The following PCDH15 variants were observed in gnomAD, a reference collection of about 807,000 sequenced individuals.
The protein encoded by PCDH15 is protocadherin-15.
PCDH15 carries 129 observed loss-of-function variants against 178.5 expected under a neutral mutation model. That is an observed-to-expected ratio of 0.72 (90% confidence interval 0.63 to 0.84). PCDH15 has a LOEUF of 0.84. PCDH15 is among the 40% of genes least tolerant of loss of function. The pLI is 0.00. For missense variants in PCDH15, 2,230 were observed against 2,099.9 expected (o/e 1.06, Z -1.21); for synonymous variants, 800 against 732.0 (o/e 1.09, Z -1.50).
intron 1 of PCDH15, among the ~76,000 whole-genome samples, chr10:54,752,485 A>AAAAAAC (rs1566127053): frequency 1.1e-4 from 9 of 82,196 alleles, no homozygotes; most frequent in South Asian, 7.4e-4. Context: ...TCAAAAAAAA[A>AAAAAAC]AAAAAACAAA....
chr10:55,578,305 C>T (rs992764814), intron 2 of PCDH15, among the ~76,000 whole-genome samples: 3 of 152,086 alleles, frequency 2.0e-5, no homozygotes, highest in South Asian at 2.1e-4. Flanking sequence ...GCAATCTCCA[C>T]CTCCTGGGTT....
At chr10:54,904,961 C>A (rs919691476) in intron 2 of PCDH15, among the ~76,000 whole-genome samples, 6 of 149,658 alleles carry the variant, frequency 4.0e-5, no homozygotes. Flanking sequence ...GTTCCTTGAG[C>A]ATCTGCTATG....
intron 2 of PCDH15, among the ~76,000 whole-genome samples, chr10:54,990,173 T>C (rs1020131728): frequency 1.3e-5 from 2 of 152,202 alleles, no homozygotes; most frequent in African/African-American, 4.8e-5. Context: ...ACACAAAGCA[T>C]AGCATTTCTT....
chr10:54,442,442 A>T (rs1160948491), intron 3 of PCDH15, among the ~76,000 whole-genome samples: 1 of 120,952 alleles, frequency 8.3e-6, no homozygotes, highest in African/African-American at 3.6e-5. Context: ...ATATATATAT[A>T]TATATATATA....
At chr10:54,156,303 C>T (rs1433884157) in intron 13 of PCDH15, among the ~76,000 whole-genome samples, 1 of 152,020 alleles carries the variant, frequency 6.6e-6, no homozygotes, top group Non-Finnish European at 1.5e-5. Flanking sequence ...TTTCATGCTG[C>T]TTATAAAGAC....
chr10:54,954,922 GTGAATATGTCTTAT>G (rs1443187049), intron 2 of PCDH15, among the ~76,000 whole-genome samples: 1 of 151,282 alleles, frequency 6.6e-6, no homozygotes, highest in East Asian at 1.9e-4. Context: ...TATGTGCCTT[GTGAATATGTCTTAT>G]ACATATATGT....
chr10:55,596,101 T>C (rs934997544), intron 2 of PCDH15, among the ~76,000 whole-genome samples: 1 of 152,082 alleles, frequency 6.6e-6, no homozygotes. Flanking sequence ...AAAATTATGT[T>C]GCATGGTTGT....
chr10:54,669,695 G>A (rs1590948315), intron 1 of PCDH15, among the ~76,000 whole-genome samples: 2 of 147,224 alleles, frequency 1.4e-5, no homozygotes, highest in Non-Finnish European at 1.5e-5. Flanking sequence ...ATCTTTGCTC[G>A]GGCTTACAGT....
At chr10:55,487,236 C>G (rs1257335522) in intron 2 of PCDH15, among the ~76,000 whole-genome samples, 4 of 151,654 alleles carry the variant, frequency 2.6e-5, no homozygotes, top group South Asian at 2.1e-4. Context: ...ACATTCAGAG[C>G]ATTGAAACTT....
chr10:55,165,704 C>T (rs753023914), intron 2 of PCDH15, among the ~76,000 whole-genome samples: 59 of 151,908 alleles, frequency 3.9e-4, no homozygotes, highest in Non-Finnish European at 7.1e-4. Context: ...ATAAATTAAG[C>T]AAGTATGATA....
intron 2 of PCDH15, among the ~76,000 whole-genome samples, chr10:55,083,634 G>C (rs1842096230): frequency 1.3e-5 from 2 of 151,776 alleles, no homozygotes; most frequent in South Asian, 4.2e-4. Flanking sequence ...ATCCCTGTTT[G>C]CAAATGAAAT....
chr10:54,059,689 T>C (rs1280367191), intron 18 of PCDH15, among the ~76,000 whole-genome samples: 2 of 152,240 alleles, frequency 1.3e-5, no homozygotes, highest in Non-Finnish European at 2.9e-5. Context: ...ATGCTGATGC[T>C]GATGCTGCTT....
intron 2 of PCDH15, among the ~76,000 whole-genome samples, chr10:55,574,597 A>T (rs1454584761): frequency 6.6e-6 from 1 of 152,084 alleles, no homozygotes; most frequent in South Asian, 2.1e-4. Context: ...GCAAATATAT[A>T]AAATTTTTAA....
chr10:54,596,297 G>T (rs1042916593), intron 2 of PCDH15, among the ~76,000 whole-genome samples: 19 of 152,124 alleles, frequency 1.2e-4, no homozygotes, highest in African/African-American at 4.3e-4. Flanking sequence ...GAAGAGATTT[G>T]GGACCTATAT....
At chr10:54,416,435 T>G (rs12782758) in intron 3 of PCDH15, among the ~76,000 whole-genome samples, 69,658 of 151,954 alleles carry the variant, frequency 0.46, 16,727 homozygotes, top group Middle Eastern at 0.52. Flanking sequence ...TTCATCCATG[T>G]CCCTGCAAAG....
At chr10:54,936,823 T>G (rs1231040380) in intron 2 of PCDH15, among the ~76,000 whole-genome samples, 1 of 151,770 alleles carries the variant, frequency 6.6e-6, no homozygotes, top group East Asian at 1.9e-4. Context: ...TTTCTTGATG[T>G]TTTACCAAGC....
chr10:54,988,567 T>C (rs1839426805), intron 2 of PCDH15, among the ~76,000 whole-genome samples: 1 of 152,168 alleles, frequency 6.6e-6, no homozygotes. Flanking sequence ...GTGACTCTTG[T>C]TATGTTTTAG....
At chr10:53,813,195 C>G (rs931685794) in intron 35 of PCDH15, among the ~76,000 whole-genome samples, 1 of 152,066 alleles carries the variant, frequency 6.6e-6, no homozygotes, top group Admixed American at 6.6e-5. Flanking sequence ...ATGACAGTAT[C>G]CCCAACGACA....
intron 20 of PCDH15, among the ~76,000 whole-genome samples, chr10:54,019,472 G>C (rs1013611834): frequency 2.0e-5 from 3 of 152,196 alleles, no homozygotes; most frequent in African/African-American, 7.2e-5. Flanking sequence ...GGAAGGAGTA[G>C]AGAAATCTGA....
Sources: allele counts gnomAD v4.1 joint callset (sites outside exome capture counted in the v4.1 genomes callset), GRCh38; gene constraint gnomAD v4.1.1; transcripts MANE v1.5; gene names NCBI Gene and HGNC (gene_info 2026-07-23, HGNC 2026-07-21).